The following MAML2 variants were observed in gnomAD, a reference collection of about 807,000 sequenced individuals.
The protein encoded by MAML2 is mastermind like transcriptional coactivator 2, also known as mastermind-like protein 2.
MAML2 carries 22 observed loss-of-function variants against 96.1 expected under a neutral mutation model. That is an observed-to-expected ratio of 0.23 (90% confidence interval 0.16 to 0.33). The LOEUF (loss-of-function observed/expected upper bound fraction) is 0.33. Ranked by LOEUF, MAML2 falls within the 10% of genes least tolerant of loss-of-function variation. The pLI is 1.00. For missense variants in MAML2, 1,367 were observed against 1,392.4 expected (o/e 0.98, Z 0.29); for synonymous variants, 561 against 521.3 (o/e 1.08, Z -1.04).
chr11:96,134,631 G>A (rs1278135902), intron 1 of MAML2, among the ~76,000 whole-genome samples: 1 of 152,150 alleles, frequency 6.6e-6, no homozygotes, highest in East Asian at 1.9e-4. Flanking sequence ...TATTCAACAT[G>A]TCCAGCTACT....
intron 1 of MAML2, among the ~76,000 whole-genome samples, chr11:96,279,628 C>T (rs150347178): frequency 6.6e-6 from 1 of 152,352 alleles, no homozygotes; most frequent in Non-Finnish European, 1.5e-5. Context: ...ACACTCTCCA[C>T]TCCCCTGACA....
chr11:96,139,822 A>T (rs1197051424), intron 1 of MAML2, among the ~76,000 whole-genome samples: 1 of 151,982 alleles, frequency 6.6e-6, no homozygotes, highest in East Asian at 1.9e-4. Flanking sequence ...GCAAAGGCAA[A>T]CATTAAGGGC....
chr11:96,204,109 A>G (rs988145544), intron 1 of MAML2, among the ~76,000 whole-genome samples: 1 of 152,026 alleles, frequency 6.6e-6, no homozygotes, highest in African/African-American at 2.4e-5. Flanking sequence ...AACTGAGGAG[A>G]GAGAGTCCTG....
intron 1 of MAML2, among the ~76,000 whole-genome samples, chr11:96,266,445 C>T (rs1017710943): frequency 1.1e-4 from 16 of 152,016 alleles, no homozygotes; most frequent in Non-Finnish European, 1.9e-4. Flanking sequence ...GTGGTGGGCA[C>T]CTGTAGTCCC....
At chr11:96,002,325 T>A (rs616344) in intron 2 of MAML2, among the ~76,000 whole-genome samples, 1 of 152,008 alleles carries the variant, frequency 6.6e-6, no homozygotes, top group East Asian at 1.9e-4. Context: ...AGGCACATGG[T>A]GTGAAAATGT....
At chr11:96,188,079 C>T (rs1462981042) in intron 1 of MAML2, among the ~76,000 whole-genome samples, 1 of 152,214 alleles carries the variant, frequency 6.6e-6, no homozygotes, top group East Asian at 1.9e-4. Context: ...CTACAGCACC[C>T]TGCTATTTAA....
At chr11:96,153,948 AATAT>A (rs1157445471) in intron 1 of MAML2, among the ~76,000 whole-genome samples, 88 of 136,398 alleles carry the variant, frequency 6.5e-4, no homozygotes, top group Middle Eastern at 3.8e-3. Context: ...TAAATAAATA[AATAT>A]GATAAAACAA....
At chr11:96,062,907 A>G (rs1055346501) in intron 2 of MAML2, among the ~76,000 whole-genome samples, 2 of 152,160 alleles carry the variant, frequency 1.3e-5, no homozygotes, top group African/African-American at 4.8e-5. Flanking sequence ...ACTCATCTCT[A>G]TTATACTGAA....
intron 1 of MAML2, among the ~76,000 whole-genome samples, chr11:96,268,199 G>C (rs1862857902): frequency 6.6e-6 from 1 of 152,152 alleles, no homozygotes; most frequent in Non-Finnish European, 1.5e-5. Context: ...AGTAGGCTGG[G>C]TGCACTGACT....
At chr11:96,323,317 T>G (rs1401231057) in intron 1 of MAML2, among the ~76,000 whole-genome samples, 1 of 152,172 alleles carries the variant, frequency 6.6e-6, no homozygotes, top group East Asian at 1.9e-4. Context: ...TAAACACATC[T>G]GTACGTTTCT....
At chr11:96,153,264 T>C (rs1860954172) in intron 1 of MAML2, among the ~76,000 whole-genome samples, 1 of 151,926 alleles carries the variant, frequency 6.6e-6, no homozygotes, top group South Asian at 2.1e-4. Context: ...TTCCTTGTCC[T>C]ATCAAAACAT....
At chr11:96,040,136 T>C (rs1003728133) in intron 2 of MAML2, among the ~76,000 whole-genome samples, 1 of 152,192 alleles carries the variant, frequency 6.6e-6, no homozygotes, top group African/African-American at 2.4e-5. Flanking sequence ...TGTTCATTCA[T>C]TATATTATTT....
At chr11:96,038,790 T>C (rs1363523139) in intron 2 of MAML2, among the ~76,000 whole-genome samples, 1 of 152,270 alleles carries the variant, frequency 6.6e-6, no homozygotes. Flanking sequence ...AATGATTTTA[T>C]GTATTTCCTT....
chr11:96,308,760 T>C (rs1863499841), intron 1 of MAML2, among the ~76,000 whole-genome samples: 1 of 152,224 alleles, frequency 6.6e-6, no homozygotes, highest in African/African-American at 2.4e-5. Context: ...ATTTTTTAGT[T>C]TGTTTGCTTG....
Position 96,310,150 on chromosome 11 carries a change from C to T in MAML2, c.513+31233G>A, listed in dbSNP as rs1342213793. On this transcript the variant is annotated intron_variant, in intron 1 of 4. Transcript: ENST00000524717. The stretch of plus-strand genomic sequence containing the variant: ...GTGATTACGTGAAAAGGAAATTCTT[C>T]TATACATAAACTGAGAACTGATATG... Among the ~76,000 whole-genome samples the T allele has an allele frequency of 3.3e-5, 5 of 152,030 alleles. No individual in the cohort carries two copies. The South Asian group carries it at 6.2e-4, about 19-fold the overall frequency.
At chr11:96,258,070 T>C (rs1862693830) in intron 1 of MAML2, among the ~76,000 whole-genome samples, 1 of 152,234 alleles carries the variant, frequency 6.6e-6, no homozygotes, top group African/African-American at 2.4e-5. Flanking sequence ...CGTGATAGGT[T>C]TGTGGCTCTT....
At chr11:96,220,738 A>G (rs369914102) in intron 1 of MAML2, among the ~76,000 whole-genome samples, 29 of 152,308 alleles carry the variant, frequency 1.9e-4, no homozygotes, top group African/African-American at 6.5e-4. Context: ...CTTAACAGTC[A>G]GACATAGATT....
chr11:95,997,727 T>G (rs1373830569), intron 2 of MAML2, among the ~76,000 whole-genome samples: 1 of 152,132 alleles, frequency 6.6e-6, no homozygotes, highest in African/African-American at 2.4e-5. Flanking sequence ...TTTCAATATT[T>G]CTGAGCTGTA....
At chr11:96,160,253 C>T (rs1327930391) in intron 1 of MAML2, among the ~76,000 whole-genome samples, 1 of 152,192 alleles carries the variant, frequency 6.6e-6, no homozygotes, top group Non-Finnish European at 1.5e-5. Context: ...CTTCAATGCA[C>T]TCTTCAGGTT....
Sources: gnomAD v4.1 joint callset for allele counts (sites outside exome capture counted in the v4.1 genomes callset) on GRCh38, gnomAD v4.1.1 for gene constraint, MANE v1.5 for transcripts, NCBI Gene and HGNC (gene_info 2026-07-23, HGNC 2026-07-21) for gene names.